Variants in MID2 observed in about 807,000 individuals in gnomAD.
MID2 encodes the protein midline 2.
A neutral mutation model predicts 46.1 loss-of-function variants in MID2; 13 were observed. The ratio of observed to expected loss-of-function variants is 0.28; its 90% CI spans 0.18 to 0.45. The LOEUF is 0.45. Ranked by LOEUF, MID2 falls within the 20% of genes least tolerant of loss-of-function variation. The pLI is 1.00. For missense variants in MID2, 431 were observed against 575.4 expected (o/e 0.75, Z 2.57); for synonymous variants, 199 against 212.3 (o/e 0.94, Z 0.55).
chrX:107,914,062 C>T (rs768198989), intron 5 of MID2, among the ~76,000 whole-genome samples: 3 of 112,114 alleles, frequency 2.7e-5, no homozygotes, highest in Non-Finnish European at 5.6e-5. Context: ...TTTCCCTTAG[C>T]TCCCAAGTCT....
chrX:107,920,941 A>G (rs1175528451), intron 7 of MID2, among the ~76,000 whole-genome samples: 1 of 111,976 alleles, frequency 8.9e-6, no homozygotes, highest in Admixed American at 9.5e-5. Context: ...AAGAATAAGG[A>G]AATTCTCTTA....
intron 3 of MID2, among the ~76,000 whole-genome samples, chrX:107,887,442 G>A (rs1602486458): frequency 1.8e-5 from 2 of 111,946 alleles, no homozygotes; most frequent in East Asian, 5.6e-4. Flanking sequence ...ATTTGTGTAT[G>A]TTGAACCAGC....
At chrX:107,845,850 G>A (rs754831849) in intron 2 of MID2, among the ~76,000 whole-genome samples, 35 of 110,771 alleles carry the variant, frequency 3.2e-4, no homozygotes, top group Non-Finnish European at 5.5e-4. Context: ...GTACTAATGG[G>A]CATATGACTT....
chrX:107,869,237 G>C (rs369927089), intron 3 of MID2, among the ~76,000 whole-genome samples: 1 of 111,317 alleles, frequency 9.0e-6, no homozygotes, highest in Admixed American at 9.5e-5. Context: ...TAAAAGAACA[G>C]TCCTTTTCCT....
chrX:107,917,669 G>T lies in MID2; in HGVS notation c.1365G>T (p.Trp455Cys), dbSNP rs1932994544. 8.3e-7 allele frequency: 1 copy of T among 1,210,312 alleles called. No individual in the cohort carries two copies. The highest frequency in any genetic ancestry group is 1.7e-5 in the African/African-American group (1 of 57,230). ...TCATCAGTAAGTCATGGTGTAGTTG[G>T]GGCCTGTGGCCAGAGATAAGGAAAT... is the stretch of plus-strand genomic sequence containing the variant. ...ANFISKSWCS[W>C]GLWPEIRKCK... The change falls in exon 7 of 10, where the codon TGG becomes TGT. Residue 455 changes from tryptophan (W) to cysteine (C), a missense_variant. Transcript: ENST00000262843.
chrX:107,922,180 G>T (rs1933084515), intron 7 of MID2, among the ~76,000 whole-genome samples: 1 of 111,601 alleles, frequency 9.0e-6, no homozygotes. Context: ...TCTCCATTCT[G>T]TATTTGTATG....
At chrX:107,851,732 T>C (rs749585734) in intron 2 of MID2, among the ~76,000 whole-genome samples, 1 of 111,319 alleles carries the variant, frequency 9.0e-6, no homozygotes, top group African/African-American at 3.3e-5. Flanking sequence ...ACTTAAGACC[T>C]TTATAACAGG....
chrX:107,842,736 A>T (rs1377461212), intron 2 of MID2, among the ~76,000 whole-genome samples: 1 of 112,142 alleles, frequency 8.9e-6, no homozygotes, highest in South Asian at 3.7e-4. Flanking sequence ...TCAAGTTGAT[A>T]CTCTCATTCA....
intron 3 of MID2, among the ~76,000 whole-genome samples, chrX:107,875,602 A>G (rs1390525538): frequency 9.0e-6 from 1 of 111,376 alleles, no homozygotes; most frequent in African/African-American, 3.3e-5. Context: ...GGGGAGACAA[A>G]TAGTTTGTTC....
chrX:107,927,110 T>G lies in MID2; in HGVS notation c.*37T>G. The G allele has an allele frequency of 8.9e-7, 1 of 1,119,975 alleles. No homozygotes were observed. The highest frequency in any genetic ancestry group is 1.2e-6 in the Non-Finnish European group (1 of 834,811). The allele number at this position is 1,119,975 out of a possible 1,213,427, so 92.3% of individuals were successfully genotyped here. A position where few individuals can be genotyped will look rare whatever the true frequency, so the allele number is the denominator to read the frequency against. On this transcript the variant is annotated 3_prime_UTR_variant, in exon 10 of 10. Transcript: ENST00000262843. ...GTATATAATTCACTGGCTCTCTAGT[T>G]CAGCAGTTCTTCCCCTCCTACACCT... is the stretch of plus-strand genomic sequence containing the variant.
intron 3 of MID2, among the ~76,000 whole-genome samples, chrX:107,874,679 CT>C (rs1429354850): frequency 8.9e-6 from 1 of 112,468 alleles, no homozygotes; most frequent in Non-Finnish European, 1.9e-5. Context: ...TGAGTTTTAG[CT>C]GCCTGAGTAT....
Position 107,826,222 on chromosome X carries a change from G to A in MID2, c.-205G>A, listed in dbSNP as rs888649744. 6.0e-6 allele frequency: 2 copies of A among 332,897 alleles called. No individual in the cohort carries two copies. The highest frequency in any genetic ancestry group is 6.4e-5 in the Admixed American group (1 of 15,729). 27.4% of individuals were successfully genotyped at this position (332,897 alleles called of 1,213,427 possible). A position where few individuals can be genotyped will look rare whatever the true frequency, so the allele number is the denominator to read the frequency against. ...GTGCTGTCCCCTGCGGGGCGCGCGG[G>A]CTGGCGGATCCCGGCTGCTGCGCGG... On this transcript the variant is annotated 5_prime_UTR_variant, in exon 1 of 10. Transcript: ENST00000262843.
intron 3 of MID2, among the ~76,000 whole-genome samples, chrX:107,873,664 T>A (rs1254976755): frequency 8.9e-6 from 1 of 112,278 alleles, no homozygotes; most frequent in Non-Finnish European, 1.9e-5. Flanking sequence ...AGGCTTCAAG[T>A]GGATCAGAAA....
chrX:107,892,768 A>G (rs914521720), intron 3 of MID2, among the ~76,000 whole-genome samples: 1 of 111,847 alleles, frequency 8.9e-6, no homozygotes, highest in Non-Finnish European at 1.9e-5. Context: ...CCTTAAAAAT[A>G]TCACATCCTT....
chrX:107,911,062 C>G (rs1932890626), intron 5 of MID2, among the ~76,000 whole-genome samples: 1 of 107,240 alleles, frequency 9.3e-6, no homozygotes, highest in Non-Finnish European at 1.9e-5. Context: ...CCATGTTGGC[C>G]AGGGTGGTCT....
At chrX:107,913,241 A>G (rs1049146369) in intron 5 of MID2, among the ~76,000 whole-genome samples, 1 of 111,828 alleles carries the variant, frequency 8.9e-6, no homozygotes, top group Non-Finnish European at 1.9e-5. Flanking sequence ...ACTTTTCTCT[A>G]TATCATTGGA....
intron 7 of MID2, among the ~76,000 whole-genome samples, chrX:107,919,970 T>C (rs1933040444): frequency 8.9e-6 from 1 of 112,356 alleles, no homozygotes; most frequent in Non-Finnish European, 1.9e-5. Context: ...GGGATACAGA[T>C]TCTACCTTCA....
intron 6 of MID2, among the ~76,000 whole-genome samples, chrX:107,916,457 A>G (rs192378238): frequency 2.0e-3 from 224 of 112,085 alleles, no homozygotes; most frequent in African/African-American, 7.0e-3. Context: ...GGTGACAATT[A>G]GGGAATATTA....
At chrX:107,906,800 G>A (rs749588480) in intron 5 of MID2, among the ~76,000 whole-genome samples, 3 of 111,976 alleles carry the variant, frequency 2.7e-5, no homozygotes, top group Admixed American at 9.4e-5. Flanking sequence ...TGGCCAGGCT[G>A]GTTTCGAATT....
Sources: gnomAD v4.1 joint callset for allele counts (sites outside exome capture counted in the v4.1 genomes callset) on GRCh38, gnomAD v4.1.1 for gene constraint, MANE v1.5 for transcripts, NCBI Gene and HGNC (gene_info 2026-07-23, HGNC 2026-07-21) for gene names.